KIAA1671: variants seen among roughly 807,000 people sequenced by gnomAD.
KIAA1671 encodes KIAA1671, also known as uncharacterized protein KIAA1671.
In KIAA1671, 52 loss-of-function variants were observed where a neutral mutation model predicts 131.2. The observed-to-expected ratio is 0.40, with a 90% confidence interval of 0.32 to 0.50. The LOEUF is 0.50. KIAA1671 is among the 20% of genes least tolerant of loss of function. The pLI, the probability that KIAA1671 is intolerant of heterozygous loss-of-function variation, is 0.73. For synonymous variants in KIAA1671, 1,003 were observed against 961.6 expected, an observed-to-expected ratio of 1.04 and a Z score of -0.80; for missense variants, 2,360 against 2,364.2, an observed-to-expected ratio of 1.00 and a Z score of 0.04.
Position 25,028,629 on chromosome 22 carries a change from G to A in KIAA1671, c.630G>A (p.Glu210=). 5.2e-6 allele frequency: 8 copies of A among 1,550,970 alleles called. No individual in the cohort carries two copies. The South Asian group carries it at 8.3e-5, about 16-fold the overall frequency. The part of the protein sequence containing the change: ...SQDTKPPVPQ[E]EAGQDHPPSK... The stretch of plus-strand genomic sequence containing the variant: ...ACACAAAACCACCTGTACCCCAAGA[G>A]GAGGCAGGCCAAGACCATCCTCCCT... The change falls in exon 3 of 13, where the codon GAG becomes GAA. Residue 210 remains glutamate, a synonymous_variant. Transcript: ENST00000358431.
chr22:25,172,495 C>T (rs1933883947), intron 7 of KIAA1671, among the ~76,000 whole-genome samples: 1 of 152,310 alleles, frequency 6.6e-6, no homozygotes, highest in South Asian at 2.1e-4. Context: ...CCAGAGCTGA[C>T]AGAAAGCACG....
chr22:25,128,124 T>C (rs1447128958), intron 6 of KIAA1671, among the ~76,000 whole-genome samples: 1 of 152,148 alleles, frequency 6.6e-6, no homozygotes, highest in Non-Finnish European at 1.5e-5. Context: ...GCATCAGATA[T>C]ATCTTGGGTC....
At position 25,172,907 on chromosome 22, in the gene KIAA1671, A is replaced by G. The variant is rs28528728; in HGVS notation, c.4650-1333A>G. ...CTATGCCTCAGTTTCCTCACCTTTAACAAGGTGAATAAGAATACTTAAGTT... is the reference window on the plus strand; with the variant it reads ...CTATGCCTCAGTTTCCTCACCTTTAGCAAGGTGAATAAGAATACTTAAGTT... On this transcript the variant is annotated intron_variant, in intron 7 of 12. Transcript: ENST00000358431. Among the ~76,000 whole-genome samples the G allele has an allele frequency of 3.2e-3, 492 of 152,280 alleles. 2 individuals are homozygous for G. The highest frequency in any genetic ancestry group is 0.011 in the African/African-American group (474 of 41,556).
At chr22:25,128,173 G>A (rs1353236846) in intron 6 of KIAA1671, among the ~76,000 whole-genome samples, 1 of 152,180 alleles carries the variant, frequency 6.6e-6, no homozygotes. Flanking sequence ...GTGCCTTGGG[G>A]GTCTGAGGAA....
intron 1 of KIAA1671, among the ~76,000 whole-genome samples, chr22:24,974,301 T>TGATGGTGACAGGTACC (rs1413279802): frequency 4.6e-5 from 7 of 152,144 alleles, no homozygotes; most frequent in Non-Finnish European, 8.8e-5. Flanking sequence ...TGTGATGTGA[T>TGATGGTGACAGGTACC]GATGGTGACA....
At position 25,029,433 on chromosome 22, in the gene KIAA1671, C is replaced by A; in HGVS notation, c.1434C>A (p.Ser478Arg). 2 of 1,551,402 alleles carry A rather than the reference C, an allele frequency of 1.3e-6. No individual in the cohort carries two copies. Among genetic ancestry groups the A allele is most frequent in the Non-Finnish European group, 8.7e-7 (1 of 1,146,846 alleles). Residue 478 changes from serine to arginine, a missense_variant, in exon 3 of 13, where the codon AGC becomes AGA. Ser to Arg is a moderately radical substitution (Grantham distance 110). Around this residue, in one of 3 missense-constraint regions of KIAA1671, gnomAD observed 1,185 missense variants for 1,126.2 expected, o/e 1.05. Transcript: ENST00000358431. ...CAGAGCCGGAGAAAGGGGTTGTGAG[C>A]GTTCAGGAACGGATCAGAGGCTGGA... Reference protein sequence around the residue: ...AAPEPEKGVVSVQERIRGWTA... With the variant: ...AAPEPEKGVVRVQERIRGWTA...
In KIAA1671 at chr22:25,029,399, C is replaced by T. The variant is rs1926145228; in HGVS notation, c.1400C>T (p.Ser467Leu). Residue 467 changes from serine to leucine, a missense_variant, in exon 3 of 13, where the codon TCG (serine) becomes TTG (leucine). This residue lies in a region of KIAA1671 where 1,185 missense variants were observed against 1,126.2 expected (regional missense o/e 1.05). Transcript: ENST00000358431. ...ESPLATPASP[S>L]AAPEPEKGVV... ...CCCCTGGCCACCCCTGCGTCCCCATCGGCGGCACCAGAGCCGGAGAAAGGG... is the reference window on the plus strand; with the variant it reads ...CCCCTGGCCACCCCTGCGTCCCCATTGGCGGCACCAGAGCCGGAGAAAGGG... 13 of 1,551,278 alleles carry T rather than the reference C, an allele frequency of 8.4e-6. No homozygotes were observed. Among genetic ancestry groups the T allele is most frequent in the East Asian group, 2.4e-5 (1 of 40,924 alleles).
intron 4 of KIAA1671, among the ~76,000 whole-genome samples, chr22:25,037,370 A>G (rs897328099): frequency 7.3e-6 from 1 of 136,584 alleles, no homozygotes; most frequent in African/African-American, 3.7e-5. Context: ...ATATGTGTAT[A>G]TATGTATATA....
chr22:25,116,430 T>TGTATGTATGTATGTACGTAC (rs1411127036), intron 6 of KIAA1671, among the ~76,000 whole-genome samples: 1 of 140,154 alleles, frequency 7.1e-6, no homozygotes, highest in African/African-American at 2.6e-5. Flanking sequence ...TATGTATGTA[T>TGTATGTATGTATGTACGTAC]GTACGTATTG....
chr22:25,080,112 T>A (rs1023002620), intron 6 of KIAA1671, among the ~76,000 whole-genome samples: 11 of 152,064 alleles, frequency 7.2e-5, no homozygotes, highest in Admixed American at 6.5e-4. Context: ...CAGCTTTCAT[T>A]AGGAAAACTG....
chr22:25,179,303 G>A (rs918926110), intron 9 of KIAA1671: 2 of 1,576,782 alleles, frequency 1.3e-6, no homozygotes, highest in Non-Finnish European at 1.7e-6. Context: ...CGCCCGTCCC[G>A]GGCCCTTAGC....
intron 1 of KIAA1671, among the ~76,000 whole-genome samples, chr22:24,954,823 C>G (rs1265742713): frequency 6.6e-6 from 1 of 152,156 alleles, no homozygotes; most frequent in Non-Finnish European, 1.5e-5. Context: ...CTCTGCAGCC[C>G]AGGCTAGAGT....
At chr22:25,013,601 G>A (rs1426789393) in intron 1 of KIAA1671, 1 of 152,216 alleles carries the variant, frequency 6.6e-6, no homozygotes, top group East Asian at 1.9e-4. Context: ...AGGAGAGAGC[G>A]TGTTATGCTT....
chr22:25,042,549 C>T (rs941686120), intron 5 of KIAA1671, among the ~76,000 whole-genome samples: 9 of 148,792 alleles, frequency 6.0e-5, no homozygotes, highest in Non-Finnish European at 1.2e-4. Context: ...TCACTGCAAC[C>T]TTCGCCTCCT....
rs768596210 is a variant in KIAA1671 at position 25,040,904 on chromosome 22, T to C, written c.3774T>C (p.Gly1258=). 15 of 1,510,376 alleles carry C rather than the reference T, an allele frequency of 9.9e-6. No individual in the cohort carries two copies. The highest frequency in any genetic ancestry group is 1.2e-5 in the Non-Finnish European group (14 of 1,128,448). 93.6% of individuals were successfully genotyped at this position (1,510,376 alleles called of 1,614,324 possible). ...TGAAGGAGATGCCCGATACCGGGGG[T>C]CTCTGGAAACCGGCCAGTTCTGCCG... The part of the protein sequence containing the change: ...RSLKEMPDTG[G]LWKPASSAEI... Residue 1258 remains glycine (G), a synonymous_variant, in exon 5 of 13, where the codon GGT becomes GGC. Coordinates refer to ENST00000358431, the MANE Select transcript of KIAA1671 (RefSeq NM_001145206.2).
chr22:25,015,942 G>A (rs1289711578), intron 1 of KIAA1671, among the ~76,000 whole-genome samples: 5 of 152,186 alleles, frequency 3.3e-5, no homozygotes, highest in African/African-American at 9.7e-5. Context: ...CTGTCATTGC[G>A]AAGTAAGAAT....
intron 1 of KIAA1671, among the ~76,000 whole-genome samples, chr22:25,021,350 C>T (rs996599851): frequency 2.0e-5 from 3 of 152,016 alleles, no homozygotes; most frequent in African/African-American, 2.4e-5. Flanking sequence ...TGAGACATTG[C>T]GCCTGGCCAG....
chr22:25,149,255 G>A (rs77174152), intron 6 of KIAA1671, among the ~76,000 whole-genome samples: 3,081 of 152,258 alleles, frequency 0.02, 115 homozygotes, highest in African/African-American at 0.07. Flanking sequence ...TGGAGCCTGG[G>A]TCTGCCTAGC....
chr22:24,986,718 C>CCCATCCAT (rs899482265), intron 1 of KIAA1671, among the ~76,000 whole-genome samples: 4 of 146,232 alleles, frequency 2.7e-5, no homozygotes, highest in African/African-American at 1.0e-4. Flanking sequence ...CACCCACCCA[C>CCCATCCAT]CCATCCATCC....
Sources: gnomAD v4.1 joint callset for allele counts (sites outside exome capture counted in the v4.1 genomes callset) on GRCh38, gnomAD v4.1.1 for gene constraint, gnomAD v4.1.1 regional missense constraint, MANE v1.5 for transcripts, NCBI Gene and HGNC (gene_info 2026-07-23, HGNC 2026-07-21) for gene names.